Variants in TCF12 observed in about 807,000 individuals in gnomAD.
TCF12 encodes the protein DNA-binding protein HTF4.
TCF12 carries 45 observed loss-of-function variants against 86.0 expected under a neutral mutation model. The observed-to-expected ratio is 0.52, with a 90% CI of 0.41 to 0.67. The LOEUF is 0.67. Among genes scored for constraint, TCF12 ranks in the 30% least tolerant of loss-of-function variants. TCF12 has a pLI of 0.00. For synonymous variants in TCF12, 330 were observed against 299.6 expected, an observed-to-expected ratio of 1.10 and a Z score of -1.05; for missense variants, 881 against 859.9, an observed-to-expected ratio of 1.02 and a Z score of -0.31.
chr15:57,069,166 G>A (rs950116162), intron 4 of TCF12, among the ~76,000 whole-genome samples: 29 of 152,072 alleles, frequency 1.9e-4, no homozygotes, highest in African/African-American at 7.0e-4. Flanking sequence ...GGAGAGAGGA[G>A]TATATTGATA....
intron 6 of TCF12, among the ~76,000 whole-genome samples, chr15:57,189,080 C>A (rs1385408297): frequency 6.6e-6 from 1 of 152,158 alleles, no homozygotes; most frequent in Non-Finnish European, 1.5e-5. Context: ...TGAGCTGCCA[C>A]GCCTAGCCTA....
chr15:57,185,016 C>T (rs944656661), intron 6 of TCF12, among the ~76,000 whole-genome samples: 3 of 151,974 alleles, frequency 2.0e-5, no homozygotes, highest in African/African-American at 7.2e-5. Context: ...TCTTTCTCTC[C>T]CAATGTACCA....
chr15:57,138,273 C>T (rs1159528040), intron 5 of TCF12, among the ~76,000 whole-genome samples: 2 of 152,156 alleles, frequency 1.3e-5, no homozygotes, highest in Non-Finnish European at 2.9e-5. Context: ...TTCTGTTTTT[C>T]ATGTTTTTTC....
intron 3 of TCF12, among the ~76,000 whole-genome samples, chr15:56,927,626 A>G (rs2060073012): frequency 1.3e-5 from 2 of 152,328 alleles, no homozygotes; most frequent in South Asian, 4.1e-4. Context: ...TTTTGATATG[A>G]TAAATAATGT....
At chr15:57,075,987 C>T (rs1429267016) in intron 4 of TCF12, among the ~76,000 whole-genome samples, 2 of 151,068 alleles carry the variant, frequency 1.3e-5, no homozygotes. Flanking sequence ...CCCTGTCTCC[C>T]AAGTAGCTGG....
chr15:57,282,349 G>A (rs2152134394), intron 19 of TCF12, 96 bp from the exon 20 acceptor site: 5 of 1,437,210 alleles, frequency 3.5e-6, no homozygotes, highest in Non-Finnish European at 4.9e-6. Context: ...CTTAGTATGG[G>A]AATGAAGTTA....
intron 5 of TCF12, among the ~76,000 whole-genome samples, chr15:57,154,265 C>T (rs143795958): frequency 7.2e-4 from 109 of 152,254 alleles, no homozygotes; most frequent in African/African-American, 2.6e-3. Flanking sequence ...TAGTGAACTA[C>T]TTAACATCTG....
intron 8 of TCF12, among the ~76,000 whole-genome samples, chr15:57,228,866 C>A (rs1356837691): frequency 6.6e-6 from 1 of 151,860 alleles, no homozygotes; most frequent in African/African-American, 2.4e-5. Flanking sequence ...TGTGAAATGA[C>A]ACATCAAAAC....
At chr15:57,146,466 TGTCTTAGGA>T (rs2053371100) in intron 5 of TCF12, among the ~76,000 whole-genome samples, 1 of 152,236 alleles carries the variant, frequency 6.6e-6, no homozygotes, top group Admixed American at 6.5e-5. Flanking sequence ...ATTAGGATTT[TGTCTTAGGA>T]GAGTTATCAA....
At chr15:57,193,036 A>C (rs937910282) in intron 7 of TCF12, among the ~76,000 whole-genome samples, 3 of 152,192 alleles carry the variant, frequency 2.0e-5, no homozygotes, top group African/African-American at 7.2e-5. Context: ...TTCTTTACTA[A>C]AAATGATATA....
chr15:56,941,636 A>G (rs1296397055), intron 3 of TCF12, among the ~76,000 whole-genome samples: 2 of 151,362 alleles, frequency 1.3e-5, no homozygotes, highest in East Asian at 3.9e-4. Flanking sequence ...CGGCCTCCCA[A>G]AGTGCTGGGA....
chr15:57,143,863 T>C (rs2053170347), intron 5 of TCF12, among the ~76,000 whole-genome samples: 1 of 152,172 alleles, frequency 6.6e-6, no homozygotes, highest in South Asian at 2.1e-4. Flanking sequence ...GATAGGCTAC[T>C]TTGTGACAGT....
intron 5 of TCF12, among the ~76,000 whole-genome samples, chr15:57,119,179 A>AC (rs1347493840): frequency 6.6e-6 from 1 of 151,496 alleles, no homozygotes; most frequent in East Asian, 1.9e-4. Flanking sequence ...TGCAATCTCC[A>AC]CCTCCCCAGT....
intron 8 of TCF12, among the ~76,000 whole-genome samples, chr15:57,220,556 G>A (rs1203408261): frequency 6.6e-6 from 1 of 152,184 alleles, no homozygotes; most frequent in East Asian, 1.9e-4. Flanking sequence ...TTGATTTATA[G>A]CAAGCACATG....
chr15:57,147,745 A>G (rs1333189138), intron 5 of TCF12, among the ~76,000 whole-genome samples: 1 of 152,228 alleles, frequency 6.6e-6, no homozygotes, highest in Admixed American at 6.5e-5. Flanking sequence ...AAATGATAGT[A>G]AAATGTAGAT....
At chr15:57,075,808 C>CTTTCTTTCTTTCTT (rs1567370724) in intron 4 of TCF12, among the ~76,000 whole-genome samples, 2 of 29,598 alleles carry the variant, frequency 6.8e-5, no homozygotes, top group African/African-American at 2.5e-4. Flanking sequence ...CTTTCTTTCT[C>CTTTCTTTCTTTCTT]TCTCTCTCTC....
rs554054697 is a variant in TCF12, at chr15:57,105,515, C to T, written c.325+13624C>T. On this transcript the variant is annotated intron_variant, in intron 5 of 20. Coordinates refer to ENST00000333725, the MANE Select transcript of TCF12 (RefSeq NM_207037.2). ...CTGCAATCTCACTCCCAGGTTCAAG[C>T]GATTCTCCTGCCTCAGCCTCCCGAA... is the stretch of plus-strand genomic sequence containing the variant. 3.6e-4 allele frequency among the ~76,000 whole-genome samples: 55 copies of T among 152,198 alleles called. No homozygotes were observed. The South Asian group carries it at 6.4e-3, about 18-fold the overall frequency.
chr15:57,075,823 TCTCTC>T, intron 4 of TCF12, among the ~76,000 whole-genome samples: 1 of 52,078 alleles, frequency 1.9e-5, no homozygotes, highest in East Asian at 8.5e-4. Flanking sequence ...TCTCTCTCTC[TCTCTC>T]TCTCTCTTTT....
At chr15:57,141,526 T>A (rs2052964711) in intron 5 of TCF12, among the ~76,000 whole-genome samples, 1 of 152,064 alleles carries the variant, frequency 6.6e-6, no homozygotes. Context: ...ATTTTGTATT[T>A]TTAGTAGAGG....
Sources: allele counts gnomAD v4.1 joint callset (sites outside exome capture counted in the v4.1 genomes callset), GRCh38; gene constraint gnomAD v4.1.1; transcripts MANE v1.5; gene names NCBI Gene and HGNC (gene_info 2026-07-23, HGNC 2026-07-21).